CNTNAP2: variants seen among roughly 807,000 people sequenced by gnomAD.
CNTNAP2 encodes contactin associated protein 2.
Under a neutral mutation model 155.2 loss-of-function variants are expected in CNTNAP2, and 98 were observed. The observed-to-expected ratio is 0.63, with a 90% confidence interval of 0.54 to 0.75. CNTNAP2 has a LOEUF of 0.75. Ranked by LOEUF, CNTNAP2 falls within the 30% of genes least tolerant of loss-of-function variation. CNTNAP2 has a pLI of 0.00. For synonymous variants in CNTNAP2, 651 were observed against 631.2 expected, an observed-to-expected ratio of 1.03 and a Z score of -0.47; for missense variants, 1,727 against 1,688.1, an observed-to-expected ratio of 1.02 and a Z score of -0.40.
At chr7:146,434,773 T>C (rs1386988636) in intron 1 of CNTNAP2, among the ~76,000 whole-genome samples, 1 of 152,190 alleles carries the variant, frequency 6.6e-6, no homozygotes, top group Non-Finnish European at 1.5e-5. Context: ...CATATTTCTT[T>C]GTAGTAAATT....
intron 4 of CNTNAP2, among the ~76,000 whole-genome samples, chr7:147,078,990 A>G (rs577803907): frequency 6.6e-6 from 1 of 152,194 alleles, no homozygotes; most frequent in South Asian, 2.1e-4. Flanking sequence ...ACCTCAGGTG[A>G]TCTGCTCACC....
At chr7:147,038,896 C>A (rs1799209173) in intron 3 of CNTNAP2, among the ~76,000 whole-genome samples, 2 of 152,126 alleles carry the variant, frequency 1.3e-5, no homozygotes, top group Admixed American at 1.3e-4. Context: ...CCTTCCAGCA[C>A]ACATAAATGA....
intron 1 of CNTNAP2, among the ~76,000 whole-genome samples, chr7:146,152,849 G>A (rs1798071916): frequency 1.3e-5 from 2 of 151,896 alleles, no homozygotes; most frequent in African/African-American, 4.8e-5. Flanking sequence ...ACTTCCTACT[G>A]CTCACTCAAC....
intron 15 of CNTNAP2, among the ~76,000 whole-genome samples, chr7:148,102,613 A>G (rs926367979): frequency 3.9e-5 from 6 of 152,236 alleles, no homozygotes; most frequent in African/African-American, 1.4e-4. Context: ...TAACTTATTT[A>G]ATATTTGATT....
chr7:147,690,517 C>T (rs1191299652), intron 13 of CNTNAP2, among the ~76,000 whole-genome samples: 1 of 152,062 alleles, frequency 6.6e-6, no homozygotes, highest in African/African-American at 2.4e-5. Flanking sequence ...TACATAGACT[C>T]TTGCTTCATG....
intron 8 of CNTNAP2, among the ~76,000 whole-genome samples, chr7:147,276,753 T>C (rs1430418106): frequency 6.6e-6 from 1 of 151,958 alleles, no homozygotes; most frequent in Admixed American, 6.6e-5. Context: ...CTATGTTAGG[T>C]TTTTTATACT....
intron 8 of CNTNAP2, among the ~76,000 whole-genome samples, chr7:147,152,101 A>G (rs1490054023): frequency 1.3e-5 from 2 of 152,198 alleles, no homozygotes; most frequent in African/African-American, 2.4e-5. Flanking sequence ...ATGCTGACAT[A>G]GCCAATACCC....
chr7:147,730,259 T>G (rs1053119947), intron 13 of CNTNAP2, among the ~76,000 whole-genome samples: 2 of 152,104 alleles, frequency 1.3e-5, no homozygotes, highest in African/African-American at 4.8e-5. Context: ...GCATAATTGT[T>G]TTATTGGGTT....
chr7:147,929,092 C>CAAAAAAA lies in CNTNAP2; in HGVS notation c.2255+25392_2255+25398dup, dbSNP rs66584239. ...GGGCAACAAGAACGAAACTCCATCC[C>CAAAAAAA]AAAAAAAAAAAAAAAAAAAAAAAAA... On this transcript the variant is annotated intron_variant, in intron 14 of 23. Transcript: ENST00000361727. Among the ~76,000 whole-genome samples the CAAAAAAA allele has an allele frequency of 2.3e-3, 78 of 34,620 alleles. 5 individuals are homozygous for CAAAAAAA. Among genetic ancestry groups the CAAAAAAA allele is most frequent in the East Asian group, 0.014 (12 of 870 alleles). The allele number at this position is 34,620 out of a possible 152,430, so 22.7% of individuals were successfully genotyped here. A position where few individuals can be genotyped will look rare whatever the true frequency, so the allele number is the denominator to read the frequency against.
At position 146,945,717 on chromosome 7, in the gene CNTNAP2, C is replaced by T. The variant is rs149966430; in HGVS notation, c.403-98190C>T. On this transcript the variant is annotated intron_variant, in intron 3 of 23. Coordinates refer to ENST00000361727, the MANE Select transcript of CNTNAP2 (RefSeq NM_014141.6). ...GTCTCGAAGGGCTTTCTACAATTTA[C>T]TGCATTCAGCTCCATACTATTAATA... Among the ~76,000 whole-genome samples the T allele has an allele frequency of 1.4e-4, 22 of 152,290 alleles. No individual in the cohort carries two copies. The East Asian group carries it at 3.5e-3, about 24-fold the overall frequency.
intron 9 of CNTNAP2, among the ~76,000 whole-genome samples, chr7:147,353,951 G>T (rs1796014086): frequency 6.7e-6 from 1 of 149,814 alleles, no homozygotes; most frequent in Non-Finnish European, 1.5e-5. Flanking sequence ...TTTGAAAAGT[G>T]TCTGTTCATA....
chr7:146,575,500 A>G (rs1041401211), intron 1 of CNTNAP2, among the ~76,000 whole-genome samples: 2 of 152,214 alleles, frequency 1.3e-5, no homozygotes, highest in African/African-American at 4.8e-5. Flanking sequence ...ATTTTTAAAA[A>G]TTAAATACTT....
At chr7:147,585,393 T>G (rs1261974556) in intron 12 of CNTNAP2, among the ~76,000 whole-genome samples, 1 of 150,016 alleles carries the variant, frequency 6.7e-6, no homozygotes, top group Admixed American at 6.7e-5. Context: ...TATACAAATT[T>G]ATATGTATAT....
intron 1 of CNTNAP2, among the ~76,000 whole-genome samples, chr7:146,619,002 A>T (rs1321110195): frequency 6.6e-6 from 1 of 151,652 alleles, no homozygotes; most frequent in East Asian, 1.9e-4. Flanking sequence ...CCCAGGAGGG[A>T]GGCAGAGGTT....
chr7:148,307,733 G>A (rs552098808), intron 21 of CNTNAP2, among the ~76,000 whole-genome samples: 64 of 152,198 alleles, frequency 4.2e-4, no homozygotes, highest in South Asian at 2.3e-3. Flanking sequence ...TTTGGGAGGC[G>A]GAGGTGGGCA....
At chr7:146,336,486 C>T (rs1484165482) in intron 1 of CNTNAP2, among the ~76,000 whole-genome samples, 1 of 151,570 alleles carries the variant, frequency 6.6e-6, no homozygotes, top group Non-Finnish European at 1.5e-5. Context: ...TTTTGAGCCC[C>T]AGGGCCTGCT....
At chr7:146,721,889 A>ATTTTTTTTTT (rs71527797) in intron 1 of CNTNAP2, among the ~76,000 whole-genome samples, 2 of 69,708 alleles carry the variant, frequency 2.9e-5, no homozygotes, top group South Asian at 3.2e-4. Flanking sequence ...ATATATATAT[A>ATTTTTTTTTT]TTTTTTTTTT....
chr7:147,221,265 A>G (rs1490484198), intron 8 of CNTNAP2, among the ~76,000 whole-genome samples: 1 of 152,184 alleles, frequency 6.6e-6, no homozygotes, highest in Non-Finnish European at 1.5e-5. Context: ...TACATTTTTC[A>G]TGGTATTTTT....
chr7:147,620,883 G>C (rs1411209491), intron 12 of CNTNAP2, among the ~76,000 whole-genome samples: 1 of 151,860 alleles, frequency 6.6e-6, no homozygotes, highest in Non-Finnish European at 1.5e-5. Context: ...AGTACAAGAA[G>C]GTTATAAAAC....
Sources: gnomAD v4.1 joint callset for allele counts (sites outside exome capture counted in the v4.1 genomes callset) on GRCh38, gnomAD v4.1.1 for gene constraint, MANE v1.5 for transcripts, NCBI Gene and HGNC (gene_info 2026-07-23, HGNC 2026-07-21) for gene names.